NALF1: variants seen among roughly 807,000 people sequenced by gnomAD.
The protein encoded by NALF1 is NALCN channel auxiliary factor 1, also known as family with sequence similarity 155 member A.
Under a neutral mutation model 48.4 loss-of-function variants are expected in NALF1, and 3 were observed. The observed-to-expected ratio is 0.06, with a 90% CI of 0.03 to 0.16. The LOEUF (loss-of-function observed/expected upper bound fraction) is 0.16, where lower values mean the gene tolerates loss of function less well. NALF1 is among the 10% of genes least tolerant of loss of function. The pLI, the probability that NALF1 is intolerant of heterozygous loss-of-function variation, is 1.00. For synonymous variants in NALF1, 262 were observed against 245.7 expected, an observed-to-expected ratio of 1.07 and a Z score of -0.62; for missense variants, 526 against 571.5, an observed-to-expected ratio of 0.92 and a Z score of 0.81.
chr13:107,809,324 G>A (rs532384510), intron 1 of NALF1, among the ~76,000 whole-genome samples: 3 of 152,018 alleles, frequency 2.0e-5, no homozygotes, highest in South Asian at 2.1e-4. Context: ...TTGTGCAATC[G>A]TTGCTTTCTT....
At chr13:107,667,876 T>C (rs188254639) in intron 1 of NALF1, among the ~76,000 whole-genome samples, 2 of 152,246 alleles carry the variant, frequency 1.3e-5, no homozygotes, top group African/African-American at 2.4e-5. Context: ...CTTCTCTCCA[T>C]ATAATGGAAA....
At chr13:107,491,108 T>C (rs905581993) in intron 1 of NALF1, among the ~76,000 whole-genome samples, 2 of 152,132 alleles carry the variant, frequency 1.3e-5, no homozygotes, top group Non-Finnish European at 2.9e-5. Flanking sequence ...AACATGAAAT[T>C]GTGGCAGACA....
chr13:107,358,166 A>ATGTGTGTG lies in NALF1; in HGVS notation c.916-147412_916-147411insCACACACA, dbSNP rs1491390261. Among the ~76,000 whole-genome samples the ATGTGTGTG allele has an allele frequency of 1.5e-3, 183 of 121,722 alleles. 1 individual carries two copies. The highest frequency in any genetic ancestry group is 4.2e-3 in the African/African-American group (140 of 33,320). 79.9% of individuals were successfully genotyped at this position (121,722 alleles called of 152,430 possible). On this transcript the variant is annotated intron_variant, in intron 1 of 2. Transcript: ENST00000375915. ...TTTATACCTATTTTATATACGTAAC[A>ATGTGTGTG]TATGTGTGTGTGTGTGTGTGTGTGT... is the stretch of plus-strand genomic sequence containing the variant.
intron 1 of NALF1, among the ~76,000 whole-genome samples, chr13:107,674,200 T>C (rs1350945720): frequency 6.6e-6 from 1 of 152,060 alleles, no homozygotes; most frequent in African/African-American, 2.4e-5. Flanking sequence ...CTCCATGTTC[T>C]CTGCTAGCCT....
rs1038652116 is a variant in NALF1, at chr13:107,168,963, T to A, written c.*1534A>T. 2.9e-3 allele frequency: 38 copies of A among 13,168 alleles called. No homozygotes were observed. Among genetic ancestry groups the A allele is most frequent in the African/African-American group, 0.027 (38 of 1,428 alleles). The allele number at this position is 13,168 out of a possible 1,614,324, so 0.8% of individuals were successfully genotyped here. A position where few individuals can be genotyped will look rare whatever the true frequency, so the allele number is the denominator to read the frequency against. ...TAGAGAATAGGAAGGAATGTAAAAT[T>A]TTTTTTTTAATTATTTGTTTTGTTT... On this transcript the variant is annotated 3_prime_UTR_variant, in exon 3 of 3. Coordinates refer to ENST00000375915, the MANE Select transcript of NALF1 (RefSeq NM_001080396.3).
chr13:107,670,660 C>A (rs1041569869), intron 1 of NALF1, among the ~76,000 whole-genome samples: 1 of 152,020 alleles, frequency 6.6e-6, no homozygotes, highest in Non-Finnish European at 1.5e-5. Flanking sequence ...GATTACAGGG[C>A]CCAGATCTGT....
At chr13:107,491,258 T>C (rs1875096714) in intron 1 of NALF1, among the ~76,000 whole-genome samples, 1 of 152,184 alleles carries the variant, frequency 6.6e-6, no homozygotes, top group African/African-American at 2.4e-5. Flanking sequence ...TTTTCCCCTC[T>C]AGGGTCACAT....
At chr13:107,721,078 T>C (rs1048845899) in intron 1 of NALF1, among the ~76,000 whole-genome samples, 1 of 150,602 alleles carries the variant, frequency 6.6e-6, no homozygotes, top group Admixed American at 6.6e-5. Flanking sequence ...AAACAGACAG[T>C]AGTTTAAAAC....
intron 1 of NALF1, among the ~76,000 whole-genome samples, chr13:107,834,286 T>C (rs1340321051): frequency 6.6e-6 from 1 of 152,150 alleles, no homozygotes; most frequent in Non-Finnish European, 1.5e-5. Flanking sequence ...CCCTCTCAAA[T>C]ACCAAGGGAC....
intron 1 of NALF1, among the ~76,000 whole-genome samples, chr13:107,361,297 A>G (rs1883056147): frequency 6.6e-6 from 1 of 152,176 alleles, no homozygotes; most frequent in South Asian, 2.1e-4. Flanking sequence ...GGTGGAGGCT[A>G]CTGCAGGAAG....
At chr13:107,449,266 A>G (rs1319074816) in intron 1 of NALF1, among the ~76,000 whole-genome samples, 3 of 152,028 alleles carry the variant, frequency 2.0e-5, no homozygotes, top group Non-Finnish European at 4.4e-5. Flanking sequence ...AAAAAAAAAG[A>G]ACATCACACG....
At chr13:107,338,347 G>A (rs1243628434) in intron 1 of NALF1, among the ~76,000 whole-genome samples, 1 of 152,058 alleles carries the variant, frequency 6.6e-6, no homozygotes, top group Non-Finnish European at 1.5e-5. Flanking sequence ...TACAAGTATG[G>A]GAAATGAGGT....
intron 1 of NALF1, among the ~76,000 whole-genome samples, chr13:107,525,812 T>C (rs1440407291): frequency 6.6e-6 from 1 of 152,154 alleles, no homozygotes; most frequent in South Asian, 2.1e-4. Flanking sequence ...TAAGTGTCTG[T>C]ATTATAAACA....
chr13:107,624,709 T>C (rs986422772), intron 1 of NALF1, among the ~76,000 whole-genome samples: 4 of 152,262 alleles, frequency 2.6e-5, no homozygotes, highest in Non-Finnish European at 5.9e-5. Flanking sequence ...GTTTGATTTA[T>C]CCATAGCAAC....
chr13:107,434,390 C>T (rs149385693), intron 1 of NALF1, among the ~76,000 whole-genome samples: 5 of 152,204 alleles, frequency 3.3e-5, no homozygotes, highest in Admixed American at 2.0e-4. Context: ...TCCATAAAGA[C>T]GGAGAATAGG....
At chr13:107,833,637 C>T (rs1474082295) in intron 1 of NALF1, among the ~76,000 whole-genome samples, 8 of 152,224 alleles carry the variant, frequency 5.3e-5, no homozygotes, top group South Asian at 2.1e-4. Context: ...AAACAAGATA[C>T]TTGACATACG....
chr13:107,847,697 C>A (rs1323368811), intron 1 of NALF1, among the ~76,000 whole-genome samples: 1 of 152,178 alleles, frequency 6.6e-6, no homozygotes, highest in Non-Finnish European at 1.5e-5. Context: ...TCAACAACCA[C>A]GTGAGCTTGG....
intron 1 of NALF1, among the ~76,000 whole-genome samples, chr13:107,615,074 G>A (rs1050198943): frequency 3.3e-5 from 5 of 151,956 alleles, no homozygotes; most frequent in African/African-American, 7.3e-5. Flanking sequence ...ACTGTGCCTC[G>A]CACATCCTGC....
At chr13:107,601,589 A>G (rs1878928183) in intron 1 of NALF1, among the ~76,000 whole-genome samples, 1 of 152,164 alleles carries the variant, frequency 6.6e-6, no homozygotes, top group Non-Finnish European at 1.5e-5. Flanking sequence ...TCCTGACTAT[A>G]ATTTCTCAGG....
Sources: allele counts gnomAD v4.1 joint callset (sites outside exome capture counted in the v4.1 genomes callset), GRCh38; gene constraint gnomAD v4.1.1; transcripts MANE v1.5; gene names NCBI Gene and HGNC (gene_info 2026-07-23, HGNC 2026-07-21).